RANBP2: variants seen among roughly 807,000 people sequenced by gnomAD.
RANBP2 encodes E3 SUMO-protein ligase RanBP2.
In RANBP2, 57 loss-of-function variants were observed where a neutral mutation model predicts 303.6. The ratio of observed to expected loss-of-function variants is 0.19; its 90% CI spans 0.15 to 0.23. The LOEUF (loss-of-function observed/expected upper bound fraction) is 0.23. Among genes scored for constraint, RANBP2 ranks in the 10% least tolerant of loss-of-function variants. The pLI, the probability that RANBP2 is intolerant of heterozygous loss-of-function variation, is 1.00. For synonymous variants in RANBP2, 1,167 were observed against 1,301.5 expected (o/e 0.90, Z 2.23); for missense variants, 3,138 against 3,780.8 (o/e 0.83, Z 4.46).
chr2:109,199,061 A>T, the RANBP2 span, among the ~76,000 whole-genome samples: 1 of 152,100 alleles, frequency 6.6e-6, no homozygotes, highest in Non-Finnish European at 1.5e-5. Flanking sequence ...AGTTCCACTT[A>T]AAAAATGGTC....
the RANBP2 span, chr2:109,593,175 C>T: frequency 7.3e-5 from 84 of 1,147,710 alleles, no homozygotes; most frequent in South Asian, 1.4e-3. Context: ...CCCCAAACCC[C>T]ATTATCTGAA....
At chr2:109,456,055 C>G in the RANBP2 span, among the ~76,000 whole-genome samples, 38 of 152,238 alleles carry the variant, frequency 2.5e-4, no homozygotes, top group Middle Eastern at 3.2e-3. Context: ...CAGGTGCAGC[C>G]ACAGTCTGAT....
the RANBP2 span, among the ~76,000 whole-genome samples, chr2:109,139,438 C>T: frequency 4.6e-5 from 7 of 152,178 alleles, no homozygotes; most frequent in Non-Finnish European, 8.8e-5. Flanking sequence ...CAGTCACACT[C>T]CTAATAGGAA....
At chr2:109,374,279 C>T in the RANBP2 span, among the ~76,000 whole-genome samples, 1 of 152,272 alleles carries the variant, frequency 6.6e-6, no homozygotes, top group Non-Finnish European at 1.5e-5. Context: ...GATGGCTGCC[C>T]ATGCAGTACT....
the RANBP2 span, chr2:109,399,089 G>A: frequency 0.13 from 124,342 of 960,616 alleles, 12,310 homozygotes; most frequent in African/African-American, 0.4. Flanking sequence ...GCCCTTTGCT[G>A]CCTGGCACTG....
the RANBP2 span, among the ~76,000 whole-genome samples, chr2:109,162,743 A>G: frequency 6.6e-6 from 1 of 152,264 alleles, no homozygotes; most frequent in Non-Finnish European, 1.5e-5. Flanking sequence ...TATATACCCA[A>G]TAATGGGATG....
chr2:109,512,689 G>A, the RANBP2 span, among the ~76,000 whole-genome samples: 1 of 152,104 alleles, frequency 6.6e-6, no homozygotes, highest in Non-Finnish European at 1.5e-5. Context: ...AGAGAAGCCG[G>A]GCAGGCTGGG....
chr2:109,261,085 C>G, the RANBP2 span, among the ~76,000 whole-genome samples: 2 of 152,176 alleles, frequency 1.3e-5, no homozygotes, highest in Admixed American at 6.5e-5. Context: ...TTACACGGGT[C>G]CATTTCTGCC....
chr2:109,510,832 G>A, the RANBP2 span, among the ~76,000 whole-genome samples: 1 of 152,232 alleles, frequency 6.6e-6, no homozygotes, highest in Non-Finnish European at 1.5e-5. Context: ...CTTTCCTGCA[G>A]GGGAAGCGGC....
the RANBP2 span, among the ~76,000 whole-genome samples, chr2:108,927,666 A>G: frequency 1.3e-5 from 2 of 151,908 alleles, no homozygotes; most frequent in African/African-American, 4.8e-5. Flanking sequence ...AGCGGCCCCC[A>G]GCACCCTGAG....
intron 1 of RANBP2, 42 bp downstream of exon 1, chr2:108,719,720 G>T (rs1472782894): frequency 6.4e-7 from 1 of 1,560,054 alleles, no homozygotes; most frequent in Admixed American, 1.9e-5. Context: ...GACCTGGCCG[G>T]GCGGCGGCCT....
chr2:109,390,046 C>T, the RANBP2 span, among the ~76,000 whole-genome samples: 1 of 152,168 alleles, frequency 6.6e-6, no homozygotes, highest in South Asian at 2.1e-4. Flanking sequence ...TAAAAATGGC[C>T]AGAAATCCAC....
chr2:108,972,537 G>A, the RANBP2 span, among the ~76,000 whole-genome samples: 1 of 152,222 alleles, frequency 6.6e-6, no homozygotes, highest in African/African-American at 2.4e-5. Flanking sequence ...GGCAGCCTAG[G>A]AAAAAAGAGA....
the RANBP2 span, among the ~76,000 whole-genome samples, chr2:109,623,479 G>A: frequency 0.017 from 2,553 of 152,228 alleles, 87 homozygotes; most frequent in African/African-American, 0.057. Context: ...CCTGCGGTCC[G>A]GACTCTGCCC....
intron 23 of RANBP2, among the ~76,000 whole-genome samples, chr2:108,773,663 G>GT (rs1329885594): frequency 8.0e-5 from 12 of 149,928 alleles, no homozygotes; most frequent in South Asian, 2.1e-4. Context: ...TTTTTTTTGG[G>GT]GGGGGATGGA....
At chr2:109,307,140 A>G in the RANBP2 span, among the ~76,000 whole-genome samples, 90,795 of 152,076 alleles carry the variant, frequency 0.6, 28,622 homozygotes, top group East Asian at 0.91. Flanking sequence ...AATAAAAAGT[A>G]CCTGTTGTAC....
At chr2:109,589,238 G>A in the RANBP2 span, among the ~76,000 whole-genome samples, 1 of 152,090 alleles carries the variant, frequency 6.6e-6, no homozygotes, top group South Asian at 2.1e-4. Context: ...CACCTCCCAG[G>A]TTCAAGTGGT....
At chr2:109,002,964 T>C in the RANBP2 span, among the ~76,000 whole-genome samples, 1 of 151,970 alleles carries the variant, frequency 6.6e-6, no homozygotes, top group Non-Finnish European at 1.5e-5. Context: ...TCCCAGCACT[T>C]TGGGAGGCAG....
At chr2:109,249,330 A>G in the RANBP2 span, among the ~76,000 whole-genome samples, 1 of 152,156 alleles carries the variant, frequency 6.6e-6, no homozygotes, top group Admixed American at 6.5e-5. Context: ...CTAACACATA[A>G]TCTTTGCAAA....
Sources: gnomAD v4.1 joint callset for allele counts (sites outside exome capture counted in the v4.1 genomes callset) on GRCh38, gnomAD v4.1.1 for gene constraint, MANE v1.5 for transcripts, NCBI Gene and HGNC (gene_info 2026-07-23, HGNC 2026-07-21) for gene names.